The following RPIA variants were observed in gnomAD, a reference collection of about 807,000 sequenced individuals.
RPIA encodes the protein ribose-5-phosphate isomerase.
RPIA carries 29 observed loss-of-function variants against 37.8 expected under a neutral mutation model. The observed-to-expected ratio is 0.77, with a 90% CI of 0.57 to 1.05. The LOEUF (loss-of-function observed/expected upper bound fraction) is 1.05, where lower values mean the gene tolerates loss of function less well. RPIA is among the 50% of genes least tolerant of loss of function. The probability of loss-of-function intolerance (pLI) is 0.00; values close to 1 mark genes in which losing one functional copy is unlikely to be tolerated. For missense variants in RPIA, 385 were observed against 413.6 expected (o/e 0.93, Z 0.60); for synonymous variants, 167 against 157.0 (o/e 1.06, Z -0.48).
At chr2:88,726,027 A>G (rs1443196164) in intron 3 of RPIA, among the ~76,000 whole-genome samples, 1 of 152,172 alleles carries the variant, frequency 6.6e-6, no homozygotes, top group Non-Finnish European at 1.5e-5. Context: ...TAAAGGGAGT[A>G]CAGATGCTCC....
chr2:88,697,540 C>G (rs953838617), intron 1 of RPIA, among the ~76,000 whole-genome samples: 1 of 152,124 alleles, frequency 6.6e-6, no homozygotes, highest in Admixed American at 6.6e-5. Context: ...AGCTTTTACT[C>G]TTTGGTCTGC....
intron 8 of RPIA, among the ~76,000 whole-genome samples, chr2:88,743,484 G>C (rs1006318485): frequency 6.6e-6 from 1 of 152,086 alleles, no homozygotes; most frequent in Non-Finnish European, 1.5e-5. Context: ...CAGGGATATT[G>C]GTCTGTAGTT....
At chr2:88,696,490 G>A (rs1558687176) in intron 1 of RPIA, among the ~76,000 whole-genome samples, 1 of 149,812 alleles carries the variant, frequency 6.7e-6, no homozygotes, top group South Asian at 2.1e-4. Context: ...AGATGAGTTT[G>A]TGTGTGTGTG....
chr2:88,728,630 T>C (rs540269085), intron 3 of RPIA, among the ~76,000 whole-genome samples: 1 of 152,318 alleles, frequency 6.6e-6, no homozygotes, highest in African/African-American at 2.4e-5. Flanking sequence ...GAGCCAAAAT[T>C]TGATGGCTGT....
chr2:88,693,009 G>T (rs1558686165), intron 1 of RPIA, among the ~76,000 whole-genome samples: 1 of 152,142 alleles, frequency 6.6e-6, no homozygotes, highest in Non-Finnish European at 1.5e-5. Context: ...GTAGCTTGTT[G>T]TAAGTCTGAT....
At chr2:88,735,176 C>T (rs530662789) in intron 5 of RPIA, among the ~76,000 whole-genome samples, 22 of 152,276 alleles carry the variant, frequency 1.4e-4, no homozygotes, top group Admixed American at 5.9e-4. Context: ...GATTTTCTTA[C>T]GTGTTACTTA....
intron 3 of RPIA, among the ~76,000 whole-genome samples, chr2:88,705,298 G>A (rs559731153): frequency 5.9e-5 from 9 of 152,256 alleles, no homozygotes; most frequent in Admixed American, 2.6e-4. Context: ...GAGGCATCAC[G>A]CTACTGGACT....
chr2:88,701,892 GATA>G (rs1672837205), intron 3 of RPIA, among the ~76,000 whole-genome samples: 1 of 152,124 alleles, frequency 6.6e-6, no homozygotes, highest in East Asian at 1.9e-4. Flanking sequence ...TTGCAGTATT[GATA>G]ATATTTGTAA....
chr2:88,727,085 G>A (rs569935156), intron 3 of RPIA, among the ~76,000 whole-genome samples: 4 of 124,222 alleles, frequency 3.2e-5, no homozygotes, highest in East Asian at 3.9e-4. Flanking sequence ...GTGTGCGTGC[G>A]TGTGTGTGTG....
chr2:88,700,222 T>C (rs1236955934), intron 3 of RPIA, among the ~76,000 whole-genome samples, 158 bp downstream of exon 3: 4 of 152,216 alleles, frequency 2.6e-5, no homozygotes, highest in Non-Finnish European at 5.9e-5. Flanking sequence ...CTTCTTGGAA[T>C]TGTAGTTTTA....
chr2:88,710,789 T>C (rs1278912416), intron 3 of RPIA, among the ~76,000 whole-genome samples: 2 of 152,194 alleles, frequency 1.3e-5, no homozygotes, highest in Non-Finnish European at 2.9e-5. Flanking sequence ...TAAATGTCTC[T>C]CCTCCCTTCT....
chr2:88,734,372 T>G (rs2104131455), intron 4 of RPIA, among the ~76,000 whole-genome samples, 180 bp from the exon 5 acceptor site: 1 of 152,260 alleles, frequency 6.6e-6, no homozygotes, highest in East Asian at 1.9e-4. Context: ...CTGTGCTGTT[T>G]CCCTTTGATC....
At chr2:88,737,922 C>T in intron 7 of RPIA, 55 bp from the exon 8 acceptor site, 1 of 1,337,190 alleles carries the variant, frequency 7.5e-7, no homozygotes, top group East Asian at 2.3e-5. Flanking sequence ...CTTTCCTGTC[C>T]TTCTCTGCCT....
chr2:88,733,010 A>G (rs1673265722), intron 4 of RPIA, among the ~76,000 whole-genome samples: 1 of 152,256 alleles, frequency 6.6e-6, no homozygotes, highest in Admixed American at 6.5e-5. Flanking sequence ...AGGGTAAGTC[A>G]TATGGCTAAT....
chr2:88,702,409 G>T (rs553439905), intron 3 of RPIA, among the ~76,000 whole-genome samples: 8 of 152,302 alleles, frequency 5.3e-5, no homozygotes, highest in African/African-American at 1.7e-4. Context: ...AAAGAATGAG[G>T]TTTAATTGGA....
intron 3 of RPIA, among the ~76,000 whole-genome samples, chr2:88,700,932 G>A (rs1163907665): frequency 6.6e-6 from 1 of 152,308 alleles, no homozygotes; most frequent in Non-Finnish European, 1.5e-5. Flanking sequence ...AGATTTATGA[G>A]TGACTGATGC....
intron 4 of RPIA, among the ~76,000 whole-genome samples, chr2:88,733,176 C>T (rs73954321): frequency 0.065 from 9,816 of 152,150 alleles, 570 homozygotes; most frequent in African/African-American, 0.15. Context: ...GAGTGGTAGA[C>T]GGGAACCACA....
chr2:88,725,589 TTC>T (rs1187584109), intron 3 of RPIA, among the ~76,000 whole-genome samples: 5 of 152,260 alleles, frequency 3.3e-5, no homozygotes, highest in Middle Eastern at 3.4e-3. Flanking sequence ...GTGTCAAAAT[TTC>T]CGCTTTTAAT....
At chr2:88,743,542 T>C (rs1205233337) in intron 8 of RPIA, among the ~76,000 whole-genome samples, 2 of 152,046 alleles carry the variant, frequency 1.3e-5, no homozygotes, top group Non-Finnish European at 1.5e-5. Context: ...AGGGTAATAC[T>C]GGCTTCATAG....
Sources: allele counts gnomAD v4.1 joint callset (sites outside exome capture counted in the v4.1 genomes callset), GRCh38; gene constraint gnomAD v4.1.1; transcripts MANE v1.5; gene names NCBI Gene and HGNC (gene_info 2026-07-23, HGNC 2026-07-21).